Variants in NOP53 observed in about 807,000 individuals in gnomAD.
The protein encoded by NOP53 is NOP53 ribosome biogenesis factor.
NOP53 carries 40 observed loss-of-function variants against 61.0 expected under a neutral mutation model. That is an observed-to-expected ratio of 0.66 (90% confidence interval 0.51 to 0.85). The LOEUF (loss-of-function observed/expected upper bound fraction) is 0.85. NOP53 is among the 40% of genes least tolerant of loss of function. NOP53 has a pLI of 0.00. For synonymous variants in NOP53, 308 were observed against 289.5 expected (o/e 1.06, Z -0.65); for missense variants, 689 against 652.9 (o/e 1.06, Z -0.60).
At chr19:47,751,160 TTGTG>T (rs1417332806) in intron 4 of NOP53, 53 bp downstream of exon 4, 9 of 1,463,212 alleles carry the variant, frequency 6.2e-6, no homozygotes, top group Middle Eastern at 1.8e-4. Flanking sequence ...CATGTGCAGT[TTGTG>T]TGTGTTGTGC....
chr19:47,745,577 T>G lies in NOP53; in HGVS notation c.18T>G (p.Ser6Arg). ...TTGACAAGATGGCGGCAGGAGGCAGTGGCGTTGGTGGGAAGCGCAGCTCGA... is the reference window on the plus strand; with the variant it reads ...TTGACAAGATGGCGGCAGGAGGCAGGGGCGTTGGTGGGAAGCGCAGCTCGA... MAAGG[S>R]GVGGKRSSKS... Residue 6 changes from serine (S) to arginine (R), a missense_variant, in exon 1 of 13, where the codon AGT becomes AGG. Transcript: ENST00000246802. 1 of 1,613,724 alleles carries G rather than the reference T, an allele frequency of 6.2e-7. No individual in the cohort carries two copies. Among genetic ancestry groups the G allele is most frequent in the Non-Finnish European group, 8.5e-7 (1 of 1,179,914 alleles).
In NOP53 at chr19:47,746,967, T is replaced by G. The variant is rs758488241; in HGVS notation, c.225T>G (p.Gly75=). ...GATGTTCTGCATTTCTGTCCCCCAG[T>G]GGCTTGTTGTCAGAGGCCCCAAATG... ...EDVRLQERTS[G]GLLSEAPNEK... The change falls in exon 2 of 13, where the codon GGT becomes GGG. Residue 75 remains glycine (G), a splice_region_variant and synonymous_variant. Transcript: ENST00000246802. 1 of 1,613,188 alleles carries G rather than the reference T, an allele frequency of 6.2e-7. No individual in the cohort carries two copies. The highest frequency in any genetic ancestry group is 8.5e-7 in the Non-Finnish European group (1 of 1,179,218).
chr19:47,746,851 C>G, intron 1 of NOP53, 116 bp from the exon 2 acceptor site: 1 of 824,392 alleles, frequency 1.2e-6, no homozygotes, highest in Middle Eastern at 2.3e-4. Context: ...AAGCCTTAGC[C>G]TGGAAGAGTC....
At chr19:47,751,202 AGTGCTTTGTGG>A (rs1436384692) in intron 4 of NOP53, 95 bp downstream of exon 4, 18 of 1,220,176 alleles carry the variant, frequency 1.5e-5, no homozygotes, top group Non-Finnish European at 2.1e-5. Context: ...TGTGAAAGGG[AGTGCTTTGTGG>A]GTGCTTTGGT....
Position 47,752,496 on chromosome 19 carries a change from G to C in NOP53, c.670-16G>C, listed in dbSNP as rs201635098. 1.3e-6 allele frequency: 2 copies of C among 1,547,068 alleles called. No homozygotes were observed. Among genetic ancestry groups the C allele is most frequent in the Admixed American group, 3.3e-5 (2 of 59,888 alleles). On this transcript the variant is annotated splice_polypyrimidine_tract_variant and intron_variant, in intron 5 of 12. Coordinates refer to ENST00000246802, the MANE Select transcript of NOP53 (RefSeq NM_015710.5). ...CCAACGCACGGCCTTACCCTGCCTCGGCCTTTTCTCCACAGCGGCCAGCAC... is the reference window on the plus strand; with the variant it reads ...CCAACGCACGGCCTTACCCTGCCTCCGCCTTTTCTCCACAGCGGCCAGCAC...
chr19:47,754,729 G>T lies in NOP53; in HGVS notation c.891G>T (p.Leu297=). The change falls in exon 8 of 13, where the codon CTG becomes CTT. Residue 297 remains leucine (L), a synonymous_variant. Transcript: ENST00000246802. This position sits in a 1 kb window ranked among gnomAD's most constrained non-coding sequence, Gnocchi z 4.2. Reference sequence around the variant, plus strand: ...CCCAGGAGTCCACATTCCAGGAGCTGTGCGAGGGGCTGCTGGAGGAGTCGG... The same window carrying T: ...CCCAGGAGTCCACATTCCAGGAGCTTTGCGAGGGGCTGCTGGAGGAGTCGG... The part of the protein sequence containing the change: ...AATQESTFQE[L]CEGLLEESDG... 6.5e-7 allele frequency: 1 copy of T among 1,530,578 alleles called. No individual in the cohort carries two copies. Among genetic ancestry groups the T allele is most frequent in the Non-Finnish European group, 8.8e-7 (1 of 1,134,480 alleles). The allele number at this position is 1,530,578 out of a possible 1,614,324, so 94.8% of individuals were successfully genotyped here. A position where few individuals can be genotyped will look rare whatever the true frequency, so the allele number is the denominator to read the frequency against.
rs751374197 is a variant in NOP53 at position 47,745,799 on chromosome 19, C to G, written c.224+16C>G. Reference sequence around the variant, plus strand: ...GCACGAGCGGGTACGTTGGGCGGGACTTCCGGGAGGTGGGACGGTTCCTGC... The same window carrying G: ...GCACGAGCGGGTACGTTGGGCGGGAGTTCCGGGAGGTGGGACGGTTCCTGC... On this transcript the variant is annotated intron_variant, in intron 1 of 12. Transcript: ENST00000246802. The G allele has an allele frequency of 6.8e-7, 1 of 1,475,400 alleles. No homozygotes were observed. Among genetic ancestry groups the G allele is most frequent in the African/African-American group, 1.5e-5 (1 of 68,320 alleles). 91.4% of individuals were successfully genotyped at this position (1,475,400 alleles called of 1,614,324 possible). A position where few individuals can be genotyped will look rare whatever the true frequency, so the allele number is the denominator to read the frequency against.
chr19:47,756,040 C>T, intron 10 of NOP53: 3 of 584,254 alleles, frequency 5.1e-6, no homozygotes, highest in Non-Finnish European at 9.2e-6. Flanking sequence ...GCCTTTCCTT[C>T]CAGCTGGTCC....
At chr19:47,751,229 C>T (rs1856229962) in intron 4 of NOP53, 122 bp downstream of exon 4, 5 of 941,020 alleles carry the variant, frequency 5.3e-6, no homozygotes, top group Non-Finnish European at 8.1e-6. Context: ...TTGGTGACCT[C>T]CCAGCAGAGT....
intron 2 of NOP53, among the ~76,000 whole-genome samples, chr19:47,749,657 A>G (rs569067644): frequency 6.6e-6 from 1 of 152,160 alleles, no homozygotes; most frequent in South Asian, 2.1e-4. Context: ...AGAGAACTAG[A>G]AGTTATGCTG....
At chr19:47,751,938 C>G (rs1366925872) in intron 5 of NOP53, among the ~76,000 whole-genome samples, 1 of 88,514 alleles carries the variant, frequency 1.1e-5, no homozygotes, top group Non-Finnish European at 2.3e-5. Context: ...CCTGTCTCTA[C>G]TAAAAATACA....
intron 10 of NOP53, chr19:47,756,024 A>G (rs1271536793): frequency 8.5e-6 from 5 of 589,220 alleles, no homozygotes; most frequent in African/African-American, 3.7e-5. Flanking sequence ...CCGGGACCCT[A>G]AGAAGGCCTT....
At chr19:47,751,417 G>A (rs756139350) in intron 4 of NOP53, 103 bp from the exon 5 acceptor site, 6 of 882,120 alleles carry the variant, frequency 6.8e-6, no homozygotes, top group Middle Eastern at 4.3e-4. Context: ...CCTTGCCTGA[G>A]CTTCAGGGTC....
rs375753664 is a variant in NOP53 at position 47,752,522 on chromosome 19, G to A, written c.680G>A (p.Arg227His). 5.0e-6 allele frequency: 8 copies of A among 1,602,580 alleles called. No homozygotes were observed. Among genetic ancestry groups the A allele is most frequent in the East Asian group, 2.2e-5 (1 of 44,846 alleles). The change falls in exon 6 of 13, where the codon CGC becomes CAC. Residue 227 changes from arginine (R) to histidine (H), a missense_variant. Coordinates refer to ENST00000246802, the MANE Select transcript of NOP53 (RefSeq NM_015710.5). Reference sequence around the variant, plus strand: ...GCCTTTTCTCCACAGCGGCCAGCACGCCTGCACACCAAGCCGTCCCAGGCA... The same window carrying A: ...GCCTTTTCTCCACAGCGGCCAGCACACCTGCACACCAAGCCGTCCCAGGCA... ...TKKKGVKRPA[R>H]LHTKPSQAPA... is the part of the protein sequence containing the mutation.
At position 47,754,826 on chromosome 19, in the gene NOP53, C is replaced by T. The variant is rs767092980; in HGVS notation, c.988C>T (p.Arg330Cys). The change falls in exon 8 of 13, where the codon CGC becomes TGC. Residue 330 changes from arginine to cysteine, a missense_variant. By Grantham distance (180) the Arg-to-Cys change is radical. Coordinates refer to ENST00000246802, the MANE Select transcript of NOP53 (RefSeq NM_015710.5). This position sits in a 1 kb window ranked among gnomAD's most constrained non-coding sequence, Gnocchi z 4.2. ...GDAEVCPTPA[R>C]LATTEKKTEQ... ...TGCCGAGGTCTGTCCCACGCCCGCC[C>T]GCCTGGCCACCACAGAGAAGAAGAC... 6.0e-5 allele frequency: 92 copies of T among 1,536,574 alleles called. No individual in the cohort carries two copies. The highest frequency in any genetic ancestry group is 9.6e-5 in the Admixed American group (4 of 41,522).
chr19:47,755,453 C>A lies in NOP53; in HGVS notation c.1159C>A (p.Arg387=). ...QVALRLAELA[R]RQRRRQARRE... is the part of the protein sequence containing the mutation. ...GGCCCTGAGGCTGGCGGAGCTGGCG[C>A]GGCGGCAGAGGCGGCGGCAGGCGCG... is the stretch of plus-strand genomic sequence containing the variant. Residue 387 remains arginine, a synonymous_variant, in exon 9 of 13, where the codon CGG becomes AGG. Transcript: ENST00000246802. The A allele has an allele frequency of 2.0e-6, 3 of 1,509,502 alleles. No homozygotes were observed. The highest frequency in any genetic ancestry group is 2.5e-5 in the South Asian group (2 of 78,670). The allele number at this position is 1,509,502 out of a possible 1,614,324, so 93.5% of individuals were successfully genotyped here.
In NOP53 at chr19:47,755,453, C is replaced by T. The variant is rs889268395; in HGVS notation, c.1159C>T (p.Arg387Trp). 65 of 1,509,392 alleles carry T rather than the reference C, an allele frequency of 4.3e-5. No individual in the cohort carries two copies. Among genetic ancestry groups the T allele is most frequent in the South Asian group, 8.9e-5 (7 of 78,674 alleles). 93.5% of individuals were successfully genotyped at this position (1,509,392 alleles called of 1,614,324 possible). ...GGCCCTGAGGCTGGCGGAGCTGGCG[C>T]GGCGGCAGAGGCGGCGGCAGGCGCG... ...QVALRLAELA[R>W]RQRRRQARRE... The change falls in exon 9 of 13, where the codon CGG (arginine) becomes TGG (tryptophan). Residue 387 changes from arginine (R) to tryptophan (W), a missense_variant. By Grantham distance (101) the Arg-to-Trp change is moderately radical. Coordinates refer to ENST00000246802, the MANE Select transcript of NOP53 (RefSeq NM_015710.5).
intron 9 of NOP53, 39 bp from the exon 10 acceptor site, chr19:47,755,717 G>A (rs759178051): frequency 5.8e-6 from 9 of 1,563,592 alleles, no homozygotes; most frequent in Admixed American, 1.8e-5. Flanking sequence ...CCTGGGCCCC[G>A]CGGGGGTGAT....
At chr19:47,753,880 C>T (rs921323645) in intron 6 of NOP53, 2 of 152,290 alleles carry the variant, frequency 1.3e-5, no homozygotes, top group African/African-American at 4.8e-5. Flanking sequence ...GTAAAGGAAA[C>T]CTCACACATG....
Sources: allele counts gnomAD v4.1 joint callset (sites outside exome capture counted in the v4.1 genomes callset), GRCh38; gene constraint gnomAD v4.1.1; non-coding constraint Gnocchi (gnomAD v3.1); transcripts MANE v1.5; gene names NCBI Gene and HGNC (gene_info 2026-07-23, HGNC 2026-07-21).